The following ZMYM4 variants were observed in gnomAD, a reference collection of about 807,000 sequenced individuals.
ZMYM4 encodes zinc finger MYM-type protein 4.
Under a neutral mutation model 183.2 loss-of-function variants are expected in ZMYM4, and 31 were observed. The ratio of observed to expected loss-of-function variants is 0.17; its 90% CI spans 0.13 to 0.23. The LOEUF (loss-of-function observed/expected upper bound fraction) is 0.23. Ranked by LOEUF, ZMYM4 falls within the 10% of genes least tolerant of loss-of-function variation. The probability of loss-of-function intolerance (pLI) is 1.00; values close to 1 mark genes in which losing one functional copy is unlikely to be tolerated. For synonymous variants in ZMYM4, 592 were observed against 631.2 expected, an observed-to-expected ratio of 0.94 and a Z score of 0.93; for missense variants, 1,273 against 1,840.3, an observed-to-expected ratio of 0.69 and a Z score of 5.64.
rs71062872 is a variant in ZMYM4, at chr1:35,286,772, ATTTTTTTTTTTTTTTTTTTTT to A, written c.39+17705_39+17725del. Among the ~76,000 whole-genome samples the A allele has an allele frequency of 5.8e-3, 269 of 46,530 alleles. 1 individual carries two copies. Among genetic ancestry groups the A allele is most frequent in the African/African-American group, 0.017 (253 of 15,166 alleles). 30.5% of individuals were successfully genotyped at this position (46,530 alleles called of 152,430 possible). A position where few individuals can be genotyped will look rare whatever the true frequency, so the allele number is the denominator to read the frequency against. ...ACCCTTGTGCCTGGCTATTTAAATAATTTTTTTTTTTTTTTTTTTTTTTTTTTTTTTTTTTTTTGTAGAGAC... is the reference window on the plus strand; with the variant it reads ...ACCCTTGTGCCTGGCTATTTAAATAATTTTTTTTTTTTTTTTTGTAGAGAC... On this transcript the variant is annotated intron_variant, in intron 1 of 29. Transcript: ENST00000314607.
intron 1 of ZMYM4, chr1:35,295,887 C>T (rs970935083): frequency 6.6e-6 from 1 of 152,142 alleles, no homozygotes; most frequent in African/African-American, 2.4e-5. Flanking sequence ...AGCCATTTTT[C>T]TGTTATATAG....
At chr1:35,296,673 A>G (rs1014231771) in intron 1 of ZMYM4, among the ~76,000 whole-genome samples, 2 of 152,134 alleles carry the variant, frequency 1.3e-5, no homozygotes, top group African/African-American at 4.8e-5. Context: ...ACATGAGGAT[A>G]TCACATGATT....
chr1:35,308,571 G>T (rs1445243700), intron 1 of ZMYM4, among the ~76,000 whole-genome samples: 1 of 152,112 alleles, frequency 6.6e-6, no homozygotes, highest in African/African-American at 2.4e-5. Context: ...GTTAAGAGTG[G>T]ATGATAAGAC....
chr1:35,371,620 C>G (rs1162621109), intron 7 of ZMYM4, among the ~76,000 whole-genome samples: 1 of 152,190 alleles, frequency 6.6e-6, no homozygotes, highest in Non-Finnish European at 1.5e-5. Context: ...CTGAAACACT[C>G]TATCAGGCTA....
At chr1:35,273,599 T>A (rs1406954447) in intron 1 of ZMYM4, among the ~76,000 whole-genome samples, 1 of 152,146 alleles carries the variant, frequency 6.6e-6, no homozygotes, top group Non-Finnish European at 1.5e-5. Context: ...TGTATTAAAT[T>A]TGAGATGTAT....
chr1:35,277,700 A>T (rs1465613286), intron 1 of ZMYM4, among the ~76,000 whole-genome samples: 2 of 152,158 alleles, frequency 1.3e-5, no homozygotes, highest in African/African-American at 2.4e-5. Context: ...GAATTCCCTC[A>T]TCAATTATTT....
chr1:35,335,807 G>A (rs1282075982), intron 2 of ZMYM4, among the ~76,000 whole-genome samples: 3 of 152,036 alleles, frequency 2.0e-5, no homozygotes, highest in Non-Finnish European at 4.4e-5. Flanking sequence ...TAAAAAATTA[G>A]CCGGACGTGA....
chr1:35,416,006 G>T (rs1640100276), intron 28 of ZMYM4, among the ~76,000 whole-genome samples: 1 of 152,120 alleles, frequency 6.6e-6, no homozygotes, highest in Non-Finnish European at 1.5e-5. Context: ...ATACAAACAG[G>T]GTTGAGAATC....
intron 1 of ZMYM4, among the ~76,000 whole-genome samples, chr1:35,278,457 ACT>A (rs1227862244): frequency 2.2e-5 from 3 of 138,596 alleles, no homozygotes; most frequent in Non-Finnish European, 3.1e-5. Context: ...ATGGAATTTC[ACT>A]CTCTCGCCCA....
At chr1:35,332,125 A>G (rs574877435) in intron 2 of ZMYM4, among the ~76,000 whole-genome samples, 2 of 152,172 alleles carry the variant, frequency 1.3e-5, no homozygotes, top group African/African-American at 4.8e-5. Context: ...CTTATGTTAA[A>G]TAGTATTGAT....
Position 35,268,911 on chromosome 1 carries a change from C to A in ZMYM4, c.-136C>A. 1 of 1,045,472 alleles carries A rather than the reference C, an allele frequency of 9.6e-7. No homozygotes were observed. The highest frequency in any genetic ancestry group is 1.2e-6 in the Non-Finnish European group (1 of 807,498). The allele number at this position is 1,045,472 out of a possible 1,614,324, so 64.8% of individuals were successfully genotyped here. A position where few individuals can be genotyped will look rare whatever the true frequency, so the allele number is the denominator to read the frequency against. ...GCGCGGCATCCGCCCCCTCCCCACT[C>A]TCGGCGCAAGGCCCGGCCGGGTCCG... On this transcript the variant is annotated 5_prime_UTR_variant, in exon 1 of 30. Transcript: ENST00000314607.
intron 1 of ZMYM4, chr1:35,310,427 AAAAT>A (rs1234222629): frequency 1.7e-4 from 29 of 172,498 alleles, no homozygotes; most frequent in East Asian, 5.1e-4. Flanking sequence ...GATACAAGTG[AAAAT>A]AAATAAATAA....
chr1:35,361,203 T>C lies in ZMYM4; in HGVS notation c.617T>C (p.Val206Ala). The change falls in exon 4 of 30, where the codon GTT becomes GCT. Residue 206 changes from valine to alanine, a missense_variant. By Grantham distance (64) the Val-to-Ala change is moderately conservative (BLOSUM62 0). Transcript: ENST00000314607. ...TTTTTCCTTTCAATAGCTAATCAAG[T>C]TGAAGAAACATTACATACCCATTTA... ...SSFFDKAANQ[V>A]EETLHTHLPQ... 1 of 1,597,910 alleles carries C rather than the reference T, an allele frequency of 6.3e-7. No individual in the cohort carries two copies. Among genetic ancestry groups the C allele is most frequent in the Non-Finnish European group, 8.5e-7 (1 of 1,174,388 alleles).
At chr1:35,402,445 A>G (rs1644925711) in intron 23 of ZMYM4, among the ~76,000 whole-genome samples, 1 of 152,012 alleles carries the variant, frequency 6.6e-6, no homozygotes, top group South Asian at 2.1e-4. Flanking sequence ...GTGAGACCCC[A>G]TCTCTACTAA....
Position 35,347,518 on chromosome 1 carries a change from CT to C in ZMYM4, c.86-11397del, listed in dbSNP as rs574122860. Among the ~76,000 whole-genome samples the C allele has an allele frequency of 2.7e-3, 404 of 149,016 alleles. 4 individuals are homozygous for C. Among genetic ancestry groups the C allele is most frequent in the Middle Eastern group, 7.0e-3 (2 of 286 alleles). On this transcript the variant is annotated intron_variant, in intron 2 of 29. Coordinates refer to ENST00000314607, the MANE Select transcript of ZMYM4 (RefSeq NM_005095.3). ...TAAAGGATTATTTTAACATTGCTTT[CT>C]TTTTTTTTTCCTGGATTATAAGGGG...
At chr1:35,381,077 A>T (rs1230848685) in intron 7 of ZMYM4, among the ~76,000 whole-genome samples, 182 bp from the exon 8 acceptor site, 1 of 152,238 alleles carries the variant, frequency 6.6e-6, no homozygotes, top group Non-Finnish European at 1.5e-5. Flanking sequence ...CTTCATAGAA[A>T]ATAATTTAAG....
chr1:35,327,099 G>A (rs1438011099), intron 2 of ZMYM4, among the ~76,000 whole-genome samples: 2 of 152,188 alleles, frequency 1.3e-5, no homozygotes, highest in African/African-American at 2.4e-5. Flanking sequence ...GACCTCAAGT[G>A]ATCCACCTGC....
chr1:35,367,040 A>T (rs1362943449), intron 5 of ZMYM4, among the ~76,000 whole-genome samples: 1 of 151,824 alleles, frequency 6.6e-6, no homozygotes, highest in Non-Finnish European at 1.5e-5. Flanking sequence ...AAAAAAAAAA[A>T]ATTGAGATTT....
intron 1 of ZMYM4, among the ~76,000 whole-genome samples, chr1:35,295,351 G>A (rs886811582): frequency 1.1e-4 from 16 of 152,182 alleles, no homozygotes; most frequent in South Asian, 2.1e-4. Context: ...TGAGGCAGGA[G>A]AGTGTTGTAT....
Sources: allele counts gnomAD v4.1 joint callset (sites outside exome capture counted in the v4.1 genomes callset), GRCh38; gene constraint gnomAD v4.1.1; transcripts MANE v1.5; gene names NCBI Gene and HGNC (gene_info 2026-07-23, HGNC 2026-07-21).